The following ACOT7 variants were observed in gnomAD, a reference collection of about 807,000 sequenced individuals.
ACOT7 encodes cytosolic acyl coenzyme A thioester hydrolase.
A neutral mutation model predicts 40.2 loss-of-function variants in ACOT7; 12 were observed. The ratio of observed to expected loss-of-function variants is 0.30; its 90% CI spans 0.19 to 0.48. The LOEUF is 0.48. Among genes scored for constraint, ACOT7 ranks in the 20% least tolerant of loss-of-function variants. The pLI, the probability that ACOT7 is intolerant of heterozygous loss-of-function variation, is 0.99. For synonymous variants in ACOT7, 228 were observed against 219.5 expected, an observed-to-expected ratio of 1.04 and a Z score of -0.34; for missense variants, 395 against 530.8, an observed-to-expected ratio of 0.74 and a Z score of 2.51.
chr1:6,296,506 C>G (rs1432676989), intron 6 of ACOT7, among the ~76,000 whole-genome samples: 2 of 152,166 alleles, frequency 1.3e-5, no homozygotes, highest in Non-Finnish European at 2.9e-5. Flanking sequence ...TCACCGCAAC[C>G]TCTGCCTCCC....
intron 1 of ACOT7, among the ~76,000 whole-genome samples, chr1:6,385,026 C>A (rs934939189): frequency 6.6e-6 from 1 of 151,950 alleles, no homozygotes; most frequent in Non-Finnish European, 1.5e-5. Context: ...TATGCAAAAG[C>A]CATCTGTAAG....
chr1:6,308,236 AGG>A (rs1640220314), intron 6 of ACOT7, among the ~76,000 whole-genome samples: 1 of 142,392 alleles, frequency 7.0e-6, no homozygotes, highest in Non-Finnish European at 1.6e-5. Flanking sequence ...GACCAGGCAG[AGG>A]GAACTACAAC....
intron 8 of ACOT7, among the ~76,000 whole-genome samples, chr1:6,269,299 G>A (rs1363608231): frequency 1.3e-5 from 2 of 152,196 alleles, no homozygotes; most frequent in Non-Finnish European, 2.9e-5. Flanking sequence ...GACCTGCAGC[G>A]TGTCCACGAT....
At chr1:6,324,459 C>T (rs964334210) in intron 5 of ACOT7, among the ~76,000 whole-genome samples, 2 of 152,074 alleles carry the variant, frequency 1.3e-5, no homozygotes, top group Admixed American at 6.6e-5. Flanking sequence ...CAATCGGAGG[C>T]TGGCAAACAG....
chr1:6,361,431 A>G (rs933427415), intron 1 of ACOT7, among the ~76,000 whole-genome samples: 3 of 152,220 alleles, frequency 2.0e-5, no homozygotes, highest in African/African-American at 7.2e-5. Flanking sequence ...TTGTGAATCC[A>G]TTAAGGTTCA....
At chr1:6,371,833 T>G (rs1166532770) in intron 1 of ACOT7, among the ~76,000 whole-genome samples, 2 of 151,718 alleles carry the variant, frequency 1.3e-5, no homozygotes, top group Non-Finnish European at 2.9e-5. Flanking sequence ...TCATTTGAGG[T>G]CAGGAGTTCG....
rs34962967 is a variant in ACOT7, at chr1:6,370,457, GTATTATTATTATTATTATTAT to G, written c.144-20612_144-20592del. 3.8e-3 allele frequency among the ~76,000 whole-genome samples: 531 copies of G among 140,806 alleles called. 3 individuals are homozygous for G. Among genetic ancestry groups the G allele is most frequent in the African/African-American group, 0.013 (506 of 38,306 alleles). The allele number at this position is 140,806 out of a possible 152,430, so 92.4% of individuals were successfully genotyped here. On this transcript the variant is annotated intron_variant, in intron 1 of 8. Transcript: ENST00000361521. ...GGTCTATTGTCAATGAGCAGTGTTAGTATTATTATTATTATTATTATTATTATTATTATTATTATTATTATT... is the reference window on the plus strand; with the variant it reads ...GGTCTATTGTCAATGAGCAGTGTTAGTATTATTATTATTATTATTATTATT...
intron 1 of ACOT7, among the ~76,000 whole-genome samples, chr1:6,372,887 C>CTCCTTCACTGGAACACTAG (rs1642158152): frequency 6.6e-6 from 1 of 152,124 alleles, no homozygotes; most frequent in African/African-American, 2.4e-5. Context: ...GTGTGACTCT[C>CTCCTTCACTGGAACACTAG]TCCTTCACTG....
At chr1:6,280,964 G>A in intron 8 of ACOT7, 138 bp downstream of exon 8, 1 of 1,226,294 alleles carries the variant, frequency 8.2e-7, no homozygotes, top group East Asian at 2.6e-5. Flanking sequence ...TCACGGCAGT[G>A]GCCAGGCCCA....
At chr1:6,339,945 A>G (rs1329704562) in intron 2 of ACOT7, among the ~76,000 whole-genome samples, 1 of 138,432 alleles carries the variant, frequency 7.2e-6, no homozygotes, top group Non-Finnish European at 1.5e-5. Context: ...ACGCCCAGCT[A>G]ATTTTTTGTT....
rs1013344838 is a variant in ACOT7, at chr1:6,352,100, C to A, written c.144-2234G>T. Reference sequence around the variant, plus strand: ...AGGACCATCCTAACTCCCCAACTGACCACCCAGGAAGCCAGCCCCTGCCCT... The same window carrying A: ...AGGACCATCCTAACTCCCCAACTGAACACCCAGGAAGCCAGCCCCTGCCCT... On this transcript the variant is annotated intron_variant, in intron 1 of 8. Coordinates refer to ENST00000361521, the MANE Select transcript of ACOT7 (RefSeq NM_007274.4). The surrounding 1 kb of genome is among the most constrained non-coding windows in gnomAD (Gnocchi z 4.5). The A allele has an allele frequency of 2.6e-5, 4 of 152,598 alleles. No individual in the cohort carries two copies. Among genetic ancestry groups the A allele is most frequent in the African/African-American group, 9.6e-5 (4 of 41,466 alleles). The allele number at this position is 152,598 out of a possible 1,614,324, so 9.5% of individuals were successfully genotyped here.
intron 1 of ACOT7, among the ~76,000 whole-genome samples, chr1:6,356,164 G>A (rs904390664): frequency 2.0e-5 from 3 of 152,110 alleles, no homozygotes; most frequent in Admixed American, 6.5e-5. Flanking sequence ...GGGAAGTCTC[G>A]ACATGAGACA....
chr1:6,279,946 G>C (rs1216345169), intron 8 of ACOT7, among the ~76,000 whole-genome samples: 1 of 152,216 alleles, frequency 6.6e-6, no homozygotes, highest in East Asian at 1.9e-4. Context: ...TCCAGGCTCT[G>C]AGAGGAATGG....
intron 5 of ACOT7, among the ~76,000 whole-genome samples, chr1:6,321,275 AG>A (rs745880246): frequency 1.7e-4 from 26 of 152,282 alleles, no homozygotes; most frequent in Non-Finnish European, 3.4e-4. Context: ...AACAGTCAAA[AG>A]CTTTTTTTCA....
At chr1:6,386,704 T>C (rs1642446209) in intron 1 of ACOT7, among the ~76,000 whole-genome samples, 1 of 152,018 alleles carries the variant, frequency 6.6e-6, no homozygotes, top group Non-Finnish European at 1.5e-5. Flanking sequence ...AAAAATCTTT[T>C]TAACATTAGC....
intron 6 of ACOT7, among the ~76,000 whole-genome samples, chr1:6,314,972 C>A (rs944680145): frequency 1.3e-5 from 2 of 152,204 alleles, no homozygotes; most frequent in Non-Finnish European, 2.9e-5. Flanking sequence ...CCTCCACACC[C>A]TCGGGCTCAC....
chr1:6,305,063 G>C (rs529581403), intron 6 of ACOT7, among the ~76,000 whole-genome samples: 1 of 124,424 alleles, frequency 8.0e-6, no homozygotes, highest in African/African-American at 3.1e-5. Flanking sequence ...GCGGCTGGCC[G>C]GGCGGGGGGC....
chr1:6,343,238 A>ACCGCCTG (rs1641324623), intron 2 of ACOT7, among the ~76,000 whole-genome samples: 1 of 152,050 alleles, frequency 6.6e-6, no homozygotes, highest in Non-Finnish European at 1.5e-5. Flanking sequence ...TCTCCCACCT[A>ACCGCCTG]CCGCCTGCCG....
chr1:6,345,106 T>A (rs1641384203), intron 2 of ACOT7, among the ~76,000 whole-genome samples: 1 of 152,158 alleles, frequency 6.6e-6, no homozygotes, highest in African/African-American at 2.4e-5. Flanking sequence ...CATGGGAAGA[T>A]CTCCCAGCAG....
Sources: allele counts gnomAD v4.1 joint callset (sites outside exome capture counted in the v4.1 genomes callset), GRCh38; gene constraint gnomAD v4.1.1; non-coding constraint Gnocchi (gnomAD v3.1); transcripts MANE v1.5; gene names NCBI Gene and HGNC (gene_info 2026-07-23, HGNC 2026-07-21).